CPT1A: variants seen among roughly 807,000 people sequenced by gnomAD.
CPT1A encodes carnitine palmitoyltransferase 1A, also known as carnitine O-palmitoyltransferase 1, liver isoform.
In CPT1A, 64 loss-of-function variants were observed where a neutral mutation model predicts 100.8. That is an observed-to-expected ratio of 0.63 (90% confidence interval 0.52 to 0.78). The LOEUF is 0.78. CPT1A is among the 30% of genes least tolerant of loss of function. The pLI, the probability that CPT1A is intolerant of heterozygous loss-of-function variation, is 0.00. For synonymous variants in CPT1A, 363 were observed against 396.0 expected (o/e 0.92, Z 0.99); for missense variants, 802 against 1,034.1 (o/e 0.78, Z 3.08).
At chr11:68,800,005 T>G (rs762611412) in intron 5 of CPT1A, among the ~76,000 whole-genome samples, 9 of 152,182 alleles carry the variant, frequency 5.9e-5, no homozygotes, top group Non-Finnish European at 1.0e-4. Context: ...TTCAAGAATG[T>G]CTCTTATCTA....
intron 9 of CPT1A, 29 bp downstream of exon 9, chr11:68,793,286 C>T (rs1227738347): frequency 3.2e-6 from 5 of 1,543,338 alleles, no homozygotes; most frequent in South Asian, 1.1e-5. Flanking sequence ...TGCCGATTCT[C>T]CAGGGGGCCC....
At chr11:68,776,598 G>T (rs1855146822) in intron 12 of CPT1A, among the ~76,000 whole-genome samples, 1 of 152,166 alleles carries the variant, frequency 6.6e-6, no homozygotes, top group South Asian at 2.1e-4. Context: ...ACAGAATTAG[G>T]CTGGGCTCTG....
chr11:68,815,791 C>CA (rs1856370173), intron 1 of CPT1A, among the ~76,000 whole-genome samples: 1 of 149,966 alleles, frequency 6.7e-6, no homozygotes, highest in African/African-American at 2.5e-5. Flanking sequence ...GCATCCAGGC[C>CA]CGTGGTACCT....
At chr11:68,821,769 CTGAGG>C (rs1856590969) in intron 1 of CPT1A, among the ~76,000 whole-genome samples, 1 of 152,114 alleles carries the variant, frequency 6.6e-6, no homozygotes, top group Admixed American at 6.6e-5. Flanking sequence ...GAAGCAGAGC[CTGAGG>C]ATACAAAGCT....
At chr11:68,798,743 G>C (rs1855822649) in intron 6 of CPT1A, among the ~76,000 whole-genome samples, 1 of 152,214 alleles carries the variant, frequency 6.6e-6, no homozygotes, top group South Asian at 2.1e-4. Context: ...GCAGGTCTCT[G>C]GGGCAGCATG....
intron 15 of CPT1A, 93 bp from the exon 16 acceptor site, chr11:68,761,780 T>C: frequency 6.7e-7 from 1 of 1,488,274 alleles, no homozygotes; most frequent in Admixed American, 1.7e-5. Context: ...CTAATATTTT[T>C]TGTTATTTTT....
chr11:68,783,277 C>T (rs1180835803), intron 10 of CPT1A, among the ~76,000 whole-genome samples: 2 of 151,790 alleles, frequency 1.3e-5, no homozygotes, highest in African/African-American at 2.4e-5. Flanking sequence ...CATGCACCCC[C>T]GGCCCCACCC....
chr11:68,799,767 A>G (rs997557524), intron 5 of CPT1A, among the ~76,000 whole-genome samples: 2 of 151,954 alleles, frequency 1.3e-5, no homozygotes, highest in Non-Finnish European at 2.9e-5. Context: ...AAAAAAAAAA[A>G]GAAAAAGTTT....
chr11:68,812,770 G>A (rs1365352620), intron 2 of CPT1A, among the ~76,000 whole-genome samples, 194 bp from the exon 3 acceptor site: 1 of 152,136 alleles, frequency 6.6e-6, no homozygotes, highest in Admixed American at 6.5e-5. Context: ...AGTGATTCCA[G>A]TTTCCTCCCT....
intron 12 of CPT1A, 143 bp downstream of exon 12, chr11:68,780,497 T>C (rs1414342063): frequency 2.9e-6 from 2 of 683,688 alleles, no homozygotes; most frequent in Non-Finnish European, 5.3e-6. Context: ...TTGGCCAGGC[T>C]GGTCTTGAAC....
intron 1 of CPT1A, among the ~76,000 whole-genome samples, chr11:68,824,305 A>G (rs1856667130): frequency 6.6e-6 from 1 of 151,952 alleles, no homozygotes; most frequent in South Asian, 2.1e-4. Context: ...GGGGATTCCA[A>G]AAGGGAAGGG....
chr11:68,776,299 T>C (rs992882330), intron 12 of CPT1A, among the ~76,000 whole-genome samples: 2 of 152,126 alleles, frequency 1.3e-5, no homozygotes, highest in Non-Finnish European at 2.9e-5. Context: ...CTGAGGAGGC[T>C]GAGGTGGGAA....
chr11:68,757,629 G>A lies in CPT1A; in HGVS notation c.*15C>T, dbSNP rs747985267. 3 of 1,613,934 alleles carry A rather than the reference G, an allele frequency of 1.9e-6. No individual in the cohort carries two copies. Among genetic ancestry groups the A allele is most frequent in the South Asian group, 1.1e-5 (1 of 91,080 alleles). ...TCAGAAGAGCTCGTTTTCCTTCCCA[G>A]CAGCTCCAGTGGAATTACTTTTTGG... On this transcript the variant is annotated 3_prime_UTR_variant, in exon 19 of 19. Coordinates refer to ENST00000265641, the MANE Select transcript of CPT1A (RefSeq NM_001876.4).
In CPT1A at chr11:68,761,676, C is replaced by A. The variant is rs1351610928; in HGVS notation, c.1887G>T (p.Arg629Ser). ...MVDPAQTVEQ[R>S]LKLFKLASEK... ...CAGACGCCAACTTGAACAACTTCAG[C>A]CTCTGTTCCACCTGAGTGACAAAAG... is the stretch of plus-strand genomic sequence containing the variant. The change falls in exon 16 of 19, where the codon AGG becomes AGT. Residue 629 changes from arginine to serine, a missense_variant. By Grantham distance (110) the Arg-to-Ser change is moderately radical. This residue lies in a region of CPT1A where 627 missense variants were observed against 799.3 expected (regional missense o/e 0.78). Transcript: ENST00000265641. 1 of 1,614,162 alleles carries A rather than the reference C, an allele frequency of 6.2e-7. No homozygotes were observed. The highest frequency in any genetic ancestry group is 2.2e-5 in the East Asian group (1 of 44,880).
intron 14 of CPT1A, among the ~76,000 whole-genome samples, chr11:68,763,873 G>A (rs559884544): frequency 3.9e-5 from 6 of 152,296 alleles, no homozygotes; most frequent in African/African-American, 1.2e-4. Context: ...GAGCTGGGCT[G>A]AACCCGGGAG....
chr11:68,770,183 C>T (rs549986721), intron 14 of CPT1A, among the ~76,000 whole-genome samples: 88 of 152,194 alleles, frequency 5.8e-4, no homozygotes, highest in African/African-American at 1.9e-3. Context: ...GAGTGCTCCT[C>T]GGCCTTCTTC....
chr11:68,815,402 G>A lies in CPT1A; in HGVS notation c.73C>T (p.His25Tyr). The change falls in exon 2 of 19, where the codon CAT (histidine) becomes TAT (tyrosine). Residue 25 changes from histidine to tyrosine, a missense_variant. This residue lies in a region of CPT1A where 161 missense variants were observed against 183.7 expected (regional missense o/e 0.88). Transcript: ENST00000265641. ...AGATAGATTTGTCTAAGAGCTTCATGGCTCAGCCGCAGGTCAATCCCGTCC... is the reference window on the plus strand; with the variant it reads ...AGATAGATTTGTCTAAGAGCTTCATAGCTCAGCCGCAGGTCAATCCCGTCC... The part of the protein sequence containing the change: ...TPDGIDLRLS[H>Y]EALRQIYLSG... 1.2e-6 allele frequency: 2 copies of A among 1,614,124 alleles called. No individual in the cohort carries two copies. The highest frequency in any genetic ancestry group is 1.7e-6 in the Non-Finnish European group (2 of 1,180,004).
intron 5 of CPT1A, among the ~76,000 whole-genome samples, chr11:68,803,646 G>A (rs1014927023): frequency 6.6e-6 from 1 of 151,836 alleles, no homozygotes; most frequent in Non-Finnish European, 1.5e-5. Context: ...GGGAGGCGGA[G>A]GTTGCAGTGA....
At chr11:68,775,471 G>A (rs375100567) in intron 12 of CPT1A, 39 bp from the exon 13 acceptor site, 340 of 1,473,168 alleles carry the variant, frequency 2.3e-4, no homozygotes, top group Non-Finnish European at 2.9e-4. Context: ...ACTAACAGTG[G>A]TACATAAAAC....
Sources: gnomAD v4.1 joint callset for allele counts (sites outside exome capture counted in the v4.1 genomes callset) on GRCh38, gnomAD v4.1.1 for gene constraint, gnomAD v4.1.1 regional missense constraint, MANE v1.5 for transcripts, NCBI Gene and HGNC (gene_info 2026-07-23, HGNC 2026-07-21) for gene names.